The following ANKS1B variants were observed in gnomAD, a reference collection of about 807,000 sequenced individuals.
ANKS1B encodes ankyrin repeat and sterile alpha motif domain containing 1B, also known as ankyrin repeat and sterile alpha motif domain-containing protein 1B.
ANKS1B carries 36 observed loss-of-function variants against 148.3 expected under a neutral mutation model. The observed-to-expected ratio is 0.24, with a 90% CI of 0.19 to 0.32. The LOEUF (loss-of-function observed/expected upper bound fraction) is 0.32, where lower values mean the gene tolerates loss of function less well. ANKS1B is among the 10% of genes least tolerant of loss of function. ANKS1B has a pLI of 1.00. For missense variants in ANKS1B, 1,157 were observed against 1,542.6 expected (o/e 0.75, Z 4.19); for synonymous variants, 542 against 560.8 (o/e 0.97, Z 0.47).
intron 17 of ANKS1B, among the ~76,000 whole-genome samples, chr12:98,872,402 G>C (rs984496090): frequency 3.3e-5 from 5 of 152,164 alleles, no homozygotes; most frequent in Non-Finnish European, 2.9e-5. Context: ...AGCTGGGCAT[G>C]GTGGCGTGTG....
intron 17 of ANKS1B, among the ~76,000 whole-genome samples, chr12:98,887,397 G>T (rs1470827322): frequency 6.6e-6 from 1 of 152,034 alleles, no homozygotes; most frequent in African/African-American, 2.4e-5. Context: ...TGTAAAATTT[G>T]TAAAAATACT....
intron 12 of ANKS1B, among the ~76,000 whole-genome samples, chr12:99,282,524 T>C (rs751674408): frequency 2.0e-5 from 3 of 152,036 alleles, no homozygotes; most frequent in Non-Finnish European, 4.4e-5. Flanking sequence ...GAAGAGAAGG[T>C]CGAAGCAGGC....
At chr12:99,704,929 G>A (rs1437138981) in intron 8 of ANKS1B, among the ~76,000 whole-genome samples, 1 of 151,922 alleles carries the variant, frequency 6.6e-6, no homozygotes, top group Non-Finnish European at 1.5e-5. Flanking sequence ...ATAAAGACAA[G>A]CAGAACAAGA....
chr12:98,864,718 G>C (rs1460610250), intron 17 of ANKS1B, among the ~76,000 whole-genome samples: 1 of 152,112 alleles, frequency 6.6e-6, no homozygotes, highest in Non-Finnish European at 1.5e-5. Flanking sequence ...TAGTGGTTCT[G>C]TTTCTCTGGA....
At chr12:98,780,210 G>A (rs1322502642) in intron 24 of ANKS1B, among the ~76,000 whole-genome samples, 1 of 152,176 alleles carries the variant, frequency 6.6e-6, no homozygotes, top group Non-Finnish European at 1.5e-5. Context: ...CCAGGTGGGA[G>A]GTCTGGGTGA....
At chr12:99,674,696 G>A (rs886561132) in intron 8 of ANKS1B, among the ~76,000 whole-genome samples, 1 of 151,672 alleles carries the variant, frequency 6.6e-6, no homozygotes, top group East Asian at 1.9e-4. Context: ...TCTTCTGTGG[G>A]AAAAAATAGG....
In ANKS1B at chr12:99,403,003, A is replaced by G. The variant is rs936842850; in HGVS notation, c.1576-3192T>C. On this transcript the variant is annotated intron_variant, in intron 11 of 26. Transcript: ENST00000683438. Reference sequence around the variant, plus strand: ...TGTGTTATTTTTTGACTTTTTAATAATAGCCATTCTGAATTGATTTGAAAT... The same window carrying G: ...TGTGTTATTTTTTGACTTTTTAATAGTAGCCATTCTGAATTGATTTGAAAT... Among the ~76,000 whole-genome samples the G allele has an allele frequency of 2.8e-5, 4 of 145,018 alleles. 1 individual carries two copies. Among genetic ancestry groups the G allele is most frequent in the Non-Finnish European group, 4.6e-5 (3 of 65,874 alleles).
intron 10 of ANKS1B, among the ~76,000 whole-genome samples, chr12:99,470,363 G>A (rs958309098): frequency 1.3e-5 from 2 of 151,978 alleles, no homozygotes; most frequent in African/African-American, 4.8e-5. Flanking sequence ...TCAAAAGTAG[G>A]AGTGACTATC....
intron 1 of ANKS1B, among the ~76,000 whole-genome samples, chr12:99,904,098 A>G (rs2093695205): frequency 6.6e-6 from 1 of 152,096 alleles, no homozygotes; most frequent in Non-Finnish European, 1.5e-5. Context: ...GGATTTCATT[A>G]ATTTAAGTTG....
chr12:99,161,407 T>C (rs2153830305), intron 14 of ANKS1B, among the ~76,000 whole-genome samples: 1 of 152,082 alleles, frequency 6.6e-6, no homozygotes, highest in East Asian at 1.9e-4. Flanking sequence ...CATGTGCCTA[T>C]CATCCCAGCT....
intron 12 of ANKS1B, among the ~76,000 whole-genome samples, chr12:99,367,717 G>C (rs900518060): frequency 1.3e-5 from 2 of 152,048 alleles, no homozygotes; most frequent in South Asian, 4.1e-4. Flanking sequence ...TTTATGTATT[G>C]ATAAGAAGTA....
chr12:98,853,182 A>G (rs1238128730), intron 17 of ANKS1B, among the ~76,000 whole-genome samples: 1 of 152,096 alleles, frequency 6.6e-6, no homozygotes, highest in Non-Finnish European at 1.5e-5. Flanking sequence ...CTAAAATATG[A>G]AAACCCGGGT....
chr12:99,638,524 T>A (rs2098267306), intron 9 of ANKS1B, among the ~76,000 whole-genome samples: 1 of 152,140 alleles, frequency 6.6e-6, no homozygotes, highest in Non-Finnish European at 1.5e-5. Context: ...GTGAGAGAGA[T>A]GATTTAGGGT....
At chr12:99,493,072 C>T (rs143673101) in intron 10 of ANKS1B, among the ~76,000 whole-genome samples, 1 of 152,258 alleles carries the variant, frequency 6.6e-6, no homozygotes, top group African/African-American at 2.4e-5. Context: ...AAAGGGCATC[C>T]AAACAGAAAT....
chr12:99,265,179 GT>G (rs1450859277), intron 12 of ANKS1B, among the ~76,000 whole-genome samples: 1 of 152,130 alleles, frequency 6.6e-6, no homozygotes, highest in African/African-American at 2.4e-5. Context: ...TATAGCAGTG[GT>G]TCTCATAGTG....
chr12:99,292,824 T>C (rs1020303252), intron 12 of ANKS1B, among the ~76,000 whole-genome samples: 3 of 152,156 alleles, frequency 2.0e-5, no homozygotes, highest in African/African-American at 7.2e-5. Flanking sequence ...CCAGTTAGAA[T>C]GGCAATCATT....
At chr12:99,292,775 GA>G (rs1293467725) in intron 12 of ANKS1B, among the ~76,000 whole-genome samples, 5 of 152,136 alleles carry the variant, frequency 3.3e-5, no homozygotes, top group Admixed American at 2.6e-4. Context: ...GGGTATCAGA[GA>G]AATGCAAATC....
intron 10 of ANKS1B, among the ~76,000 whole-genome samples, chr12:99,459,329 T>A (rs914497857): frequency 3.2e-4 from 48 of 152,076 alleles, no homozygotes; most frequent in African/African-American, 1.1e-3. Flanking sequence ...TTTGAAAGCA[T>A]TCCCCCTGAG....
chr12:99,648,422 CTGA>C, intron 9 of ANKS1B: 1 of 1,614,192 alleles, frequency 6.2e-7, no homozygotes, highest in East Asian at 2.2e-5. Flanking sequence ...CTCACACTAC[CTGA>C]TGTCATGCTG....
Sources: gnomAD v4.1 joint callset for allele counts (sites outside exome capture counted in the v4.1 genomes callset) on GRCh38, gnomAD v4.1.1 for gene constraint, MANE v1.5 for transcripts, NCBI Gene and HGNC (gene_info 2026-07-23, HGNC 2026-07-21) for gene names.